The following GPAT2 variants were observed in gnomAD, a reference collection of about 807,000 sequenced individuals.
GPAT2 encodes 1-acylglycerol-3-phosphate O-acyltransferase GPAT2.
GPAT2 carries 51 observed loss-of-function variants against 71.0 expected under a neutral mutation model. The ratio of observed to expected loss-of-function variants is 0.72; its 90% CI spans 0.57 to 0.91. GPAT2 has a LOEUF of 0.91. Among genes scored for constraint, GPAT2 ranks in the 40% least tolerant of loss-of-function variants. The pLI, the probability that GPAT2 is intolerant of heterozygous loss-of-function variation, is 0.00. For missense variants in GPAT2, 511 were observed against 666.0 expected, an observed-to-expected ratio of 0.77 and a Z score of 2.56; for synonymous variants, 222 against 290.3, an observed-to-expected ratio of 0.76 and a Z score of 2.39.
At position 96,022,146 on chromosome 2, in the gene GPAT2, C is replaced by T; in HGVS notation, c.*13G>A. 1.2e-6 allele frequency: 2 copies of T among 1,609,224 alleles called. No individual in the cohort carries two copies. Among genetic ancestry groups the T allele is most frequent in the Admixed American group, 1.7e-5 (1 of 59,664 alleles). On this transcript the variant is annotated 3_prime_UTR_variant, in exon 22 of 22. Transcript: ENST00000434632. ...GGGCTGAGAAGTCTCAGCACAGGCT[C>T]CTCCTCACAGTTCTAGCTACAAATG...
chr2:96,023,685 A>C, intron 17 of GPAT2: 1 of 755,092 alleles, frequency 1.3e-6, no homozygotes, highest in South Asian at 1.9e-5. Flanking sequence ...AGAACCTCAG[A>C]GGCACACATG....
At chr2:96,033,960 C>T (rs1680844674) in intron 1 of GPAT2, among the ~76,000 whole-genome samples, 1 of 151,162 alleles carries the variant, frequency 6.6e-6, no homozygotes, top group Non-Finnish European at 1.5e-5. Flanking sequence ...AACTCATAGA[C>T]ACATATATAT....
chr2:96,022,099 T>C lies in GPAT2; in HGVS notation c.*60A>G, dbSNP rs558445519. The C allele has an allele frequency of 3.8e-6, 6 of 1,581,238 alleles. No homozygotes were observed. In the African/African-American group the frequency reaches 6.8e-5, roughly 18 times the overall value. On this transcript the variant is annotated 3_prime_UTR_variant, in exon 22 of 22. Coordinates refer to ENST00000434632, the MANE Select transcript of GPAT2 (RefSeq NM_001321527.2). ...TGCAGCCTCCTCTCCATCTTCTGGC[T>C]CTAGGACACAGCTGTGTTCTGGGGC...
At position 96,026,712 on chromosome 2, in the gene GPAT2, C is replaced by T. The variant is rs1388113163; in HGVS notation, c.1017G>A (p.Pro339=). ...AVTYDLVPDA[P]CDIDHASAPL... ...ACATTCTCACATGGTCTATGTCACA[C>T]GGTGCATCCGGAACCAGGTCATAGG... The change falls in exon 10 of 22, where the codon CCG becomes CCA. Residue 339 remains proline, a synonymous_variant. Transcript: ENST00000434632. The T allele has an allele frequency of 7.1e-5, 7 of 99,024 alleles. No homozygotes were observed. The highest frequency in any genetic ancestry group is 4.3e-4 in the Admixed American group (2 of 4,696). 6.1% of individuals were successfully genotyped at this position (99,024 alleles called of 1,614,324 possible).
rs2104693171 is a variant in GPAT2, at chr2:96,032,366, C to T, written c.-7G>A. 1 of 1,182,876 alleles carries T rather than the reference C, an allele frequency of 8.5e-7. No homozygotes were observed. The highest frequency in any genetic ancestry group is 1.2e-6 in the Non-Finnish European group (1 of 844,428). 73.3% of individuals were successfully genotyped at this position (1,182,876 alleles called of 1,614,324 possible). A position where few individuals can be genotyped will look rare whatever the true frequency, so the allele number is the denominator to read the frequency against. ...CTTCCAACATGGTGGCCATGAGAGC[C>T]TAGAAGAACCATGAACCAGTCACCT... On this transcript the variant is annotated 5_prime_UTR_variant, in exon 2 of 22. Coordinates refer to ENST00000434632, the MANE Select transcript of GPAT2 (RefSeq NM_001321527.2).
At chr2:96,024,371 C>A (rs759342607) in intron 15 of GPAT2, 34 bp from the exon 16 acceptor site, 1 of 1,604,514 alleles carries the variant, frequency 6.2e-7, no homozygotes, top group Non-Finnish European at 8.5e-7. Context: ...AAGAAGGAGC[C>A]GTTCCCTTCA....
Position 96,022,157 on chromosome 2 carries a change from T to C in GPAT2, c.*2A>G. 1 of 1,610,216 alleles carries C rather than the reference T, an allele frequency of 6.2e-7. No homozygotes were observed. The highest frequency in any genetic ancestry group is 8.5e-7 in the Non-Finnish European group (1 of 1,179,098). ...TCTCAGCACAGGCTCCTCCTCACAGTTCTAGCTACAAATGAACTGCCGGAT... is the reference window on the plus strand; with the variant it reads ...TCTCAGCACAGGCTCCTCCTCACAGCTCTAGCTACAAATGAACTGCCGGAT... On this transcript the variant is annotated 3_prime_UTR_variant, in exon 22 of 22. Transcript: ENST00000434632.
Position 96,022,243 on chromosome 2 carries a change from G to T in GPAT2, c.2322C>A (p.Pro774=), listed in dbSNP as rs533179942. Residue 774 remains proline, a synonymous_variant, in exon 22 of 22, where the codon CCC becomes CCA. Transcript: ENST00000434632. The part of the protein sequence containing the change: ...VLQQTPSPAG[P]RLHLSPTFAS... ...CAAAAGTAGGGGACAGGTGGAGCCT[G>T]GGGCCTGCAGGGCTCGGCGTCTGCT... 4 of 1,605,744 alleles carry T rather than the reference G, an allele frequency of 2.5e-6. No individual in the cohort carries two copies. The highest frequency in any genetic ancestry group is 3.4e-6 in the Non-Finnish European group (4 of 1,176,574).
intron 15 of GPAT2, 26 bp downstream of exon 15, chr2:96,024,401 C>T (rs369361204): frequency 4.3e-6 from 7 of 1,611,320 alleles, no homozygotes; most frequent in Non-Finnish European, 5.1e-6. Flanking sequence ...ACACATCCCA[C>T]CTACCCCGTG....
chr2:96,026,450 C>T (rs1680428438), intron 10 of GPAT2, 145 bp from the exon 11 acceptor site: 1 of 672,896 alleles, frequency 1.5e-6, no homozygotes. Flanking sequence ...GGTGCGTGAC[C>T]TTGTCCCAAG....
rs1467982628 is a variant in GPAT2, at chr2:96,024,340, G to C, written c.1688-3C>G. 6 of 1,593,298 alleles carry C rather than the reference G, an allele frequency of 3.8e-6. No individual in the cohort carries two copies. The highest frequency in any genetic ancestry group is 5.1e-6 in the Non-Finnish European group (6 of 1,167,098). ...CAGCAGCCCCCGCACTGCACAGGCTGGGGGCGGAGGGTCCATTATGAAGAA... is the reference window on the plus strand; with the variant it reads ...CAGCAGCCCCCGCACTGCACAGGCTCGGGGCGGAGGGTCCATTATGAAGAA... On this transcript the variant is annotated splice_region_variant and splice_polypyrimidine_tract_variant and intron_variant, in intron 15 of 21. Coordinates refer to ENST00000434632, the MANE Select transcript of GPAT2 (RefSeq NM_001321527.2).
chr2:96,022,998 G>A lies in GPAT2; in HGVS notation c.2193C>T (p.Phe731=), dbSNP rs376315001. The A allele has an allele frequency of 1.6e-5, 26 of 1,613,956 alleles. No individual in the cohort carries two copies. In the African/African-American group the frequency reaches 3.1e-4, roughly 19 times the overall value. ...DTELGYTEQL[F]QFLQATAQEE... ...CCTGGGCGGTGGCCTGCAGGAACTG[G>A]AACAGCTGCTCTGTGTAGCCCAACT... Residue 731 remains phenylalanine, a synonymous_variant, in exon 20 of 22, where the codon TTC becomes TTT. Coordinates refer to ENST00000434632, the MANE Select transcript of GPAT2 (RefSeq NM_001321527.2).
At chr2:96,025,377 C>G (rs2579513) in intron 13 of GPAT2, 108 bp downstream of exon 13, 16 of 1,387,152 alleles carry the variant, frequency 1.2e-5, no homozygotes, top group Middle Eastern at 2.6e-4. Flanking sequence ...TATCACAGAG[C>G]ACCTCAGGTG....
chr2:96,031,914 A>G, intron 3 of GPAT2, 119 bp downstream of exon 3: 1 of 1,175,456 alleles, frequency 8.5e-7, no homozygotes. Flanking sequence ...GAAAGACAGA[A>G]GCAGAGGCAT....
At position 96,024,194 on chromosome 2, in the gene GPAT2, G is replaced by A. The variant is rs1357178535; in HGVS notation, c.1831C>T (p.Leu611=). The A allele has an allele frequency of 1.3e-6, 2 of 1,523,434 alleles. No homozygotes were observed. The highest frequency in any genetic ancestry group is 1.8e-6 in the Non-Finnish European group (2 of 1,132,056). The allele number at this position is 1,523,434 out of a possible 1,614,324, so 94.4% of individuals were successfully genotyped here. A position where few individuals can be genotyped will look rare whatever the true frequency, so the allele number is the denominator to read the frequency against. Residue 611 remains leucine (L), a synonymous_variant, in exon 16 of 22, where the codon CTA becomes TTA. Transcript: ENST00000434632. ...GGCCGTAGGGGAGGCCTGACCTTTA[G>A]CAGCAGCAGGTCTTGCGGCAGCAGG... ...MHLLPQDLLL[L]KPCQSSYCYC...
chr2:96,023,556 T>C, intron 17 of GPAT2, 116 bp from the exon 18 acceptor site: 1 of 1,124,034 alleles, frequency 8.9e-7, no homozygotes, highest in South Asian at 1.4e-5. Flanking sequence ...CCCAAGAGGA[T>C]GGCCAGAGCC....
At chr2:96,025,281 G>A (rs1680272923) in intron 13 of GPAT2, 2 of 676,488 alleles carry the variant, frequency 3.0e-6, no homozygotes, top group Middle Eastern at 8.3e-4. Context: ...CTTTGTGCAT[G>A]CACTTAGCTG....
At chr2:96,024,977 T>A in intron 13 of GPAT2, 134 bp from the exon 14 acceptor site, 2 of 1,036,004 alleles carry the variant, frequency 1.9e-6, no homozygotes, top group East Asian at 2.4e-5. Flanking sequence ...CCCGGAGCAG[T>A]GGTGTTTATC....
Position 96,024,485 on chromosome 2 carries a change from T to G in GPAT2, c.1629A>C (p.Thr543=). Residue 543 remains threonine (T), a synonymous_variant, in exon 15 of 22, where the codon ACA becomes ACC. Coordinates refer to ENST00000434632, the MANE Select transcript of GPAT2 (RefSeq NM_001321527.2). ...GCTCAGCACTCAGTTGTGCCAGGTG[T>G]GTGAGGCCTGGGCCAGGCTGCGGCA... The part of the protein sequence containing the change: ...LVVPQPGPGL[T]HLAQLSAELL... 1 of 1,613,970 alleles carries G rather than the reference T, an allele frequency of 6.2e-7. No homozygotes were observed. Among genetic ancestry groups the G allele is most frequent in the Non-Finnish European group, 8.5e-7 (1 of 1,179,932 alleles).
Sources: allele counts gnomAD v4.1 joint callset (sites outside exome capture counted in the v4.1 genomes callset), GRCh38; gene constraint gnomAD v4.1.1; transcripts MANE v1.5; gene names NCBI Gene and HGNC (gene_info 2026-07-23, HGNC 2026-07-21).